BTBD16: variants seen among roughly 807,000 people sequenced by gnomAD.
BTBD16 encodes the protein BTB domain containing 16.
Under a neutral mutation model 67.4 loss-of-function variants are expected in BTBD16, and 66 were observed. That is an observed-to-expected ratio of 0.98 (90% confidence interval 0.80 to 1.20). The LOEUF (loss-of-function observed/expected upper bound fraction) is 1.20. Ranked by LOEUF, BTBD16 falls within the 50% of genes most tolerant of loss-of-function variation. The probability of loss-of-function intolerance (pLI) is 0.00; values close to 1 mark genes in which losing one functional copy is unlikely to be tolerated. For synonymous variants in BTBD16, 242 were observed against 236.4 expected (o/e 1.02, Z -0.22); for missense variants, 634 against 616.0 (o/e 1.03, Z -0.31).
At chr10:122,320,326 A>G (rs1431199841) in intron 10 of BTBD16, among the ~76,000 whole-genome samples, 1 of 152,060 alleles carries the variant, frequency 6.6e-6, no homozygotes, top group Non-Finnish European at 1.5e-5. Flanking sequence ...AATTTTAACT[A>G]TAGGTTTTTT....
chr10:122,329,375 G>C, intron 10 of BTBD16, 105 bp from the exon 11 acceptor site: 1 of 1,040,814 alleles, frequency 9.6e-7, no homozygotes, highest in Non-Finnish European at 1.4e-6. Context: ...TCTCCCCCTG[G>C]CTAGTGAAGC....
intron 13 of BTBD16, among the ~76,000 whole-genome samples, chr10:122,333,358 G>A (rs748595180): frequency 6.6e-6 from 1 of 152,144 alleles, no homozygotes; most frequent in Non-Finnish European, 1.5e-5. Context: ...TAGACCACAG[G>A]TCATCTAAGA....
At chr10:122,317,036 G>A (rs182744707) in intron 10 of BTBD16, among the ~76,000 whole-genome samples, 1 of 152,210 alleles carries the variant, frequency 6.6e-6, no homozygotes, top group Non-Finnish European at 1.5e-5. Context: ...TGATCCACCC[G>A]CCTTGGCCTC....
At chr10:122,330,079 C>T (rs966642093) in intron 11 of BTBD16, among the ~76,000 whole-genome samples, 2 of 152,160 alleles carry the variant, frequency 1.3e-5, no homozygotes, top group Admixed American at 6.5e-5. Flanking sequence ...CCTCTGAGAA[C>T]ATTTTCAAAG....
At chr10:122,288,191 A>T (rs1260374592) in intron 5 of BTBD16, among the ~76,000 whole-genome samples, 2 of 152,218 alleles carry the variant, frequency 1.3e-5, no homozygotes, top group African/African-American at 4.8e-5. Flanking sequence ...CACCTCCTGC[A>T]TGCCTACTGT....
chr10:122,274,029 C>T (rs1315554672), intron 1 of BTBD16, among the ~76,000 whole-genome samples: 2 of 152,192 alleles, frequency 1.3e-5, no homozygotes, highest in East Asian at 1.9e-4. Context: ...AATGGATGAA[C>T]ATAGCCATGG....
At chr10:122,328,140 GGAGGAGGCTCA>G (rs1178867682) in intron 10 of BTBD16, among the ~76,000 whole-genome samples, 1 of 152,206 alleles carries the variant, frequency 6.6e-6, no homozygotes, top group Admixed American at 6.5e-5. Flanking sequence ...GGCAGAAGAA[GGAGGAGGCTCA>G]GATCATCTGA....
chr10:122,275,727 C>T (rs1379581189), intron 2 of BTBD16, among the ~76,000 whole-genome samples: 1 of 152,124 alleles, frequency 6.6e-6, no homozygotes, highest in Non-Finnish European at 1.5e-5. Context: ...TTTTTCCTTG[C>T]TAGGTTGCTT....
At chr10:122,326,755 G>T (rs1280914870) in intron 10 of BTBD16, among the ~76,000 whole-genome samples, 1 of 152,208 alleles carries the variant, frequency 6.6e-6, no homozygotes, top group Admixed American at 6.5e-5. Context: ...GCAAGGAACT[G>T]TGAACTGTCT....
chr10:122,329,701 C>A, intron 11 of BTBD16, 130 bp downstream of exon 11: 1 of 729,848 alleles, frequency 1.4e-6, no homozygotes, highest in Non-Finnish European at 2.3e-6. Context: ...TTGTCACTTC[C>A]AAGCTGTGTG....
chr10:122,311,875 A>G (rs1012467421), intron 10 of BTBD16, among the ~76,000 whole-genome samples: 30 of 152,368 alleles, frequency 2.0e-4, no homozygotes, highest in African/African-American at 5.8e-4. Flanking sequence ...AGCTTTGTAT[A>G]AATAGAATTC....
rs150982970 is a variant in BTBD16, at chr10:122,278,036, C to A, written c.167+1097C>A. Among the ~76,000 whole-genome samples the A allele has an allele frequency of 3.8e-3, 577 of 152,240 alleles. 7 individuals are homozygous for A. The highest frequency in any genetic ancestry group is 0.013 in the African/African-American group (521 of 41,542). On this transcript the variant is annotated intron_variant, in intron 3 of 15. Transcript: ENST00000260723. ...AACTGCCTGCTCAATCTTTCTTCAG[C>A]GAGTAGCCAAATCTTCCCTCTCTAG...
intron 15 of BTBD16, 107 bp from the exon 16 acceptor site, chr10:122,337,910 G>A (rs1448340909): frequency 1.0e-5 from 9 of 864,226 alleles, no homozygotes; most frequent in Admixed American, 7.4e-5. Context: ...AACCATAGTT[G>A]AGAGCCAGCA....
At chr10:122,298,519 C>T (rs1203480907) in intron 8 of BTBD16, among the ~76,000 whole-genome samples, 2 of 152,198 alleles carry the variant, frequency 1.3e-5, no homozygotes, top group African/African-American at 2.4e-5. Flanking sequence ...GTCCCTGGCT[C>T]TAAGACGCCT....
intron 10 of BTBD16, among the ~76,000 whole-genome samples, chr10:122,317,888 T>C (rs2096428732): frequency 6.6e-6 from 1 of 152,308 alleles, no homozygotes; most frequent in Admixed American, 6.5e-5. Context: ...GAACTTTTTT[T>C]TTATAAGTAG....
At chr10:122,293,720 C>T (rs1462093444) in intron 7 of BTBD16, among the ~76,000 whole-genome samples, 1 of 152,324 alleles carries the variant, frequency 6.6e-6, no homozygotes, top group East Asian at 1.9e-4. Context: ...TGATGTATAA[C>T]TATGAAATCA....
At chr10:122,301,743 A>G (rs1377970001) in intron 9 of BTBD16, among the ~76,000 whole-genome samples, 1 of 152,080 alleles carries the variant, frequency 6.6e-6, no homozygotes, top group Non-Finnish European at 1.5e-5. Context: ...CCTTTCTCCA[A>G]CTAACATTTT....
At chr10:122,331,429 G>A (rs942267350) in intron 12 of BTBD16, 171 bp downstream of exon 12, 3 of 657,844 alleles carry the variant, frequency 4.6e-6, no homozygotes, top group Non-Finnish European at 3.8e-6. Flanking sequence ...AGGAGAGAAG[G>A]GAGGAGACCC....
intron 15 of BTBD16, among the ~76,000 whole-genome samples, chr10:122,337,368 T>C (rs1787299671): frequency 6.6e-6 from 1 of 152,206 alleles, no homozygotes. Context: ...ACAATTTCCT[T>C]TGTGGGGGTG....
Sources: gnomAD v4.1 joint callset for allele counts (sites outside exome capture counted in the v4.1 genomes callset) on GRCh38, gnomAD v4.1.1 for gene constraint, MANE v1.5 for transcripts, NCBI Gene and HGNC (gene_info 2026-07-23, HGNC 2026-07-21) for gene names.